Variants in BIRC6 observed in about 807,000 individuals in gnomAD.
The protein encoded by BIRC6 is dual E2 ubiquitin-conjugating enzyme/E3 ubiquitin-protein ligase BIRC6.
A neutral mutation model predicts 503.3 loss-of-function variants in BIRC6; 98 were observed. The ratio of observed to expected loss-of-function variants is 0.19; its 90% CI spans 0.17 to 0.23. The LOEUF (loss-of-function observed/expected upper bound fraction) is 0.23. Among genes scored for constraint, BIRC6 ranks in the 10% least tolerant of loss-of-function variants. The pLI, the probability that BIRC6 is intolerant of heterozygous loss-of-function variation, is 1.00. For missense variants in BIRC6, 5,360 were observed against 5,806.0 expected (o/e 0.92, Z 2.50); for synonymous variants, 2,240 against 2,078.7 (o/e 1.08, Z -2.11).
At chr2:32,404,214 G>GC (rs59658909) in intron 8 of BIRC6, among the ~76,000 whole-genome samples, 152,310 of 152,310 alleles carry the variant, frequency 1, 76,155 homozygotes, top group Non-Finnish European at 1. Context: ...ACAGGCGTGA[G>GC]CACCACGCCC....
At chr2:32,555,038 A>T (rs1014675125) in intron 65 of BIRC6, among the ~76,000 whole-genome samples, 26 of 152,170 alleles carry the variant, frequency 1.7e-4, no homozygotes, top group African/African-American at 5.8e-4. Context: ...TAGAAAATAC[A>T]TAATTTTTAT....
At chr2:32,405,891 C>T (rs1384098072) in intron 8 of BIRC6, among the ~76,000 whole-genome samples, 1 of 152,090 alleles carries the variant, frequency 6.6e-6, no homozygotes, top group Non-Finnish European at 1.5e-5. Context: ...CCAAACTGTC[C>T]TTAGTCACAC....
intron 45 of BIRC6, among the ~76,000 whole-genome samples, chr2:32,496,739 A>G (rs2052522399): frequency 6.6e-6 from 1 of 152,134 alleles, no homozygotes; most frequent in Admixed American, 6.5e-5. Context: ...CCAGAAAAAA[A>G]TCATTTTGAG....
intron 71 of BIRC6, among the ~76,000 whole-genome samples, chr2:32,604,558 T>C (rs1313972003): frequency 2.6e-5 from 4 of 152,252 alleles, no homozygotes; most frequent in Admixed American, 2.6e-4. Context: ...TCATAAAGTA[T>C]TTTTTGAATT....
At chr2:32,389,700 A>G (rs926134603) in intron 4 of BIRC6, among the ~76,000 whole-genome samples, 4 of 152,114 alleles carry the variant, frequency 2.6e-5, no homozygotes, top group Admixed American at 6.6e-5. Flanking sequence ...TGTAGTATTT[A>G]TTTATTTATT....
At position 32,529,746 on chromosome 2, in the gene BIRC6, G is replaced by A; in HGVS notation, c.12016G>A (p.Val4006Ile). ...GGGTTACCGCTCAATAGATCTGACT[G>A]TTAAATTGGGATCAAGAGTTATAAC... is the stretch of plus-strand genomic sequence containing the variant. ...PQGYRSIDLT[V>I]KLGSRVITDP... The change falls in exon 60 of 74, where the codon GTT becomes ATT. Residue 4006 changes from valine (V) to isoleucine (I), a missense_variant. This residue lies in a region of BIRC6 where 878 missense variants were observed against 928.9 expected (regional missense o/e 0.95). Transcript: ENST00000421745. The A allele has an allele frequency of 6.2e-7, 1 of 1,613,482 alleles. No homozygotes were observed. Among genetic ancestry groups the A allele is most frequent in the Non-Finnish European group, 8.5e-7 (1 of 1,179,624 alleles).
At chr2:32,484,712 T>C (rs2050807665) in intron 39 of BIRC6, among the ~76,000 whole-genome samples, 2 of 152,234 alleles carry the variant, frequency 1.3e-5, no homozygotes, top group Admixed American at 6.5e-5. Context: ...TTTTCTTTTT[T>C]ATTTGTTGAG....
Position 32,599,792 on chromosome 2 carries a change from T to A in BIRC6, c.13884T>A (p.Phe4628Leu). 2 of 1,613,980 alleles carry A rather than the reference T, an allele frequency of 1.2e-6. No homozygotes were observed. Among genetic ancestry groups the A allele is most frequent in the Non-Finnish European group, 1.7e-6 (2 of 1,179,854 alleles). ...DTPYANGCFE[F>L]DVYFPQDYPS... ...CTTATGCAAATGGCTGCTTTGAGTT[T>A]GATGTGTATTTTCCTCAAGATTATC... The change falls in exon 70 of 74, where the codon TTT (phenylalanine) becomes TTA (leucine). Residue 4628 changes from phenylalanine (F) to leucine (L), a missense_variant. Phe to Leu is a conservative substitution (Grantham distance 22). Around this residue, in one of 16 missense-constraint regions of BIRC6, gnomAD observed 66 missense variants for 113.2 expected, o/e 0.58. Transcript: ENST00000421745.
At chr2:32,377,510 AG>A (rs1359298098) in intron 1 of BIRC6, 77 bp from the exon 2 acceptor site, 1 of 1,169,608 alleles carries the variant, frequency 8.5e-7, no homozygotes, top group East Asian at 2.7e-5. Flanking sequence ...TATTGTGTTT[AG>A]TCACTATGTA....
chr2:32,558,984 T>G (rs1475192685), intron 65 of BIRC6: 1 of 152,232 alleles, frequency 6.6e-6, no homozygotes, highest in African/African-American at 2.4e-5. Context: ...GTTATTTCTT[T>G]TGAATTTTCT....
chr2:32,539,107 TAAG>T (rs1409973343), intron 61 of BIRC6, among the ~76,000 whole-genome samples: 1 of 152,180 alleles, frequency 6.6e-6, no homozygotes, highest in Admixed American at 6.5e-5. Context: ...GACCACCTGA[TAAG>T]AAATAAAGAG....
chr2:32,399,125 G>A (rs973044021), intron 6 of BIRC6, among the ~76,000 whole-genome samples: 2 of 151,846 alleles, frequency 1.3e-5, no homozygotes, highest in East Asian at 3.9e-4. Flanking sequence ...TTACTTTGTT[G>A]CCCAGGCTGG....
intron 37 of BIRC6, 116 bp from the exon 38 acceptor site, chr2:32,481,204 T>A: frequency 1.1e-6 from 1 of 879,050 alleles, no homozygotes; most frequent in Non-Finnish European, 1.6e-6. Flanking sequence ...ATAGAGTTTT[T>A]TTTTTTAGGC....
intron 53 of BIRC6, 22 bp from the exon 54 acceptor site, chr2:32,512,911 G>A: frequency 1.2e-6 from 2 of 1,603,478 alleles, no homozygotes; most frequent in Non-Finnish European, 1.7e-6. Flanking sequence ...TTGGTTATAT[G>A]AATTCGTTTT....
chr2:32,616,642 T>C (rs1377719204), intron 73 of BIRC6, among the ~76,000 whole-genome samples: 2 of 151,976 alleles, frequency 1.3e-5, no homozygotes, highest in Admixed American at 6.6e-5. Context: ...GGAAAATTAG[T>C]GTGAACATTT....
chr2:32,580,505 A>G (rs1202803521), intron 66 of BIRC6, among the ~76,000 whole-genome samples: 3 of 152,076 alleles, frequency 2.0e-5, no homozygotes, highest in Admixed American at 2.0e-4. Context: ...GCTGGAAGGT[A>G]GTGGTGGGAG....
chr2:32,398,194 C>A (rs2040185808), intron 6 of BIRC6, among the ~76,000 whole-genome samples: 1 of 152,146 alleles, frequency 6.6e-6, no homozygotes, highest in African/African-American at 2.4e-5. Context: ...ACTAGCAATT[C>A]CACTTCTATT....
At chr2:32,518,465 A>G in intron 56 of BIRC6, 68 bp downstream of exon 56, 1 of 1,478,446 alleles carries the variant, frequency 6.8e-7, no homozygotes. Flanking sequence ...CAGAGCCTGC[A>G]GTTACCTCCT....
At chr2:32,502,564 G>C (rs1224349263) in intron 47 of BIRC6, among the ~76,000 whole-genome samples, 1 of 152,130 alleles carries the variant, frequency 6.6e-6, no homozygotes, top group Non-Finnish European at 1.5e-5. Context: ...CATATTAAGA[G>C]AAAAGATAAT....
Sources: allele counts gnomAD v4.1 joint callset (sites outside exome capture counted in the v4.1 genomes callset), GRCh38; gene constraint gnomAD v4.1.1; regional missense constraint gnomAD v4.1.1; transcripts MANE v1.5; gene names NCBI Gene and HGNC (gene_info 2026-07-23, HGNC 2026-07-21).